The following SLC8A1 variants were observed in gnomAD, a reference collection of about 807,000 sequenced individuals.
SLC8A1 encodes solute carrier family 8 member A1.
Under a neutral mutation model 68.3 loss-of-function variants are expected in SLC8A1, and 18 were observed. The ratio of observed to expected loss-of-function variants is 0.26; its 90% CI spans 0.18 to 0.39. The LOEUF (loss-of-function observed/expected upper bound fraction) is 0.39, where lower values mean the gene tolerates loss of function less well. SLC8A1 is among the 10% of genes least tolerant of loss of function. The pLI, the probability that SLC8A1 is intolerant of heterozygous loss-of-function variation, is 1.00. For synonymous variants in SLC8A1, 475 were observed against 415.5 expected (o/e 1.14, Z -1.74); for missense variants, 985 against 1,156.7 (o/e 0.85, Z 2.15).
At chr2:40,408,260 C>A (rs1019251438) in intron 2 of SLC8A1, among the ~76,000 whole-genome samples, 2 of 152,112 alleles carry the variant, frequency 1.3e-5, no homozygotes, top group Admixed American at 1.3e-4. Flanking sequence ...TAAACTTATA[C>A]CTTCAAAAGT....
At chr2:40,288,853 GTA>G (rs779876861) in intron 2 of SLC8A1, among the ~76,000 whole-genome samples, 145 of 121,618 alleles carry the variant, frequency 1.2e-3, no homozygotes, top group Admixed American at 3.5e-3. Flanking sequence ...ATATATATAT[GTA>G]TATATATGAT....
intron 2 of SLC8A1, among the ~76,000 whole-genome samples, chr2:40,345,518 G>T (rs549825187): frequency 1.3e-5 from 2 of 151,980 alleles, no homozygotes; most frequent in South Asian, 4.2e-4. Context: ...CTCTGAGATG[G>T]ACAGGGCCAC....
At chr2:40,268,487 G>T (rs765760550) in intron 2 of SLC8A1, among the ~76,000 whole-genome samples, 2 of 152,162 alleles carry the variant, frequency 1.3e-5, no homozygotes, top group African/African-American at 2.4e-5. Context: ...CACTGGTGGT[G>T]CATTTGCAGC....
rs1697413764 is a variant in SLC8A1 at position 40,428,379 on chromosome 2, A to G, written c.1808+94T>C. Reference sequence around the variant, plus strand: ...TATTCCATTCCTTGCATGCTATTTAATTTAAAAAATGATGCACAGACTCAC... The same window carrying G: ...TATTCCATTCCTTGCATGCTATTTAGTTTAAAAAATGATGCACAGACTCAC... On this transcript the variant is annotated intron_variant, in intron 2 of 7. Coordinates refer to ENST00000406785, the Ensembl canonical transcript of SLC8A1. 4 of 1,415,786 alleles carry G rather than the reference A, an allele frequency of 2.8e-6. No homozygotes were observed. The South Asian group carries it at 6.5e-5, about 23-fold the overall frequency. 87.7% of individuals were successfully genotyped at this position (1,415,786 alleles called of 1,614,324 possible). A position where few individuals can be genotyped will look rare whatever the true frequency, so the allele number is the denominator to read the frequency against.
At chr2:40,113,989 C>T (rs1477444847) in exon 8 of SLC8A1, 1 of 152,720 alleles carries the variant, frequency 6.5e-6, no homozygotes, top group Non-Finnish European at 1.5e-5. Context: ...CCATTTTCTC[C>T]TTTTATCCCT....
chr2:40,122,206 GCA>G (rs1236450975), intron 7 of SLC8A1, among the ~76,000 whole-genome samples: 2,393 of 124,482 alleles, frequency 0.019, 59 homozygotes, highest in African/African-American at 0.056. Flanking sequence ...ATGCGCGCGC[GCA>G]CACACACACA....
At chr2:40,418,700 C>A (rs1250918280) in intron 2 of SLC8A1, among the ~76,000 whole-genome samples, 1 of 152,328 alleles carries the variant, frequency 6.6e-6, no homozygotes, top group Middle Eastern at 3.4e-3. Context: ...AACTCTCTCC[C>A]TATTTCACAT....
intron 2 of SLC8A1, among the ~76,000 whole-genome samples, chr2:40,386,033 C>T (rs1683450363): frequency 6.6e-6 from 1 of 151,154 alleles, no homozygotes; most frequent in African/African-American, 2.5e-5. Flanking sequence ...CTTTATTGAA[C>T]TGGTATTGCT....
At chr2:40,138,571 G>T (rs917589272) in intron 7 of SLC8A1, among the ~76,000 whole-genome samples, 1 of 152,162 alleles carries the variant, frequency 6.6e-6, no homozygotes, top group African/African-American at 2.4e-5. Flanking sequence ...ATAAGCTCTG[G>T]TGTGTACCAG....
Position 40,160,884 on chromosome 2 carries a change from A to G in SLC8A1, c.2062-20T>C. The G allele has an allele frequency of 6.3e-7, 1 of 1,580,136 alleles. No homozygotes were observed. The highest frequency in any genetic ancestry group is 8.7e-7 in the Non-Finnish European group (1 of 1,149,562). On this transcript the variant is annotated intron_variant, in intron 5 of 7. Coordinates refer to ENST00000406785, the Ensembl canonical transcript of SLC8A1. ...AGTACTCTAGAAATGTTGAAAAGAA[A>G]AATATAAATGCTGGGTTCGCTAAGG...
At chr2:40,313,157 AT>A (rs1450892381) in intron 2 of SLC8A1, among the ~76,000 whole-genome samples, 1 of 152,182 alleles carries the variant, frequency 6.6e-6, no homozygotes, top group East Asian at 1.9e-4. Flanking sequence ...TGAATCTCCA[AT>A]AATTTTACAC....
chr2:40,230,524 T>G (rs1212898416), intron 2 of SLC8A1, among the ~76,000 whole-genome samples: 1 of 152,196 alleles, frequency 6.6e-6, no homozygotes. Context: ...TTCACAATCT[T>G]CATTCTACAT....
chr2:40,432,055 G>T (rs1290511771), intron 1 of SLC8A1, among the ~76,000 whole-genome samples: 1 of 152,030 alleles, frequency 6.6e-6, no homozygotes, highest in African/African-American at 2.4e-5. Flanking sequence ...CAAAAGTTCT[G>T]GTCAGTATGT....
intron 2 of SLC8A1, among the ~76,000 whole-genome samples, chr2:40,375,367 T>C (rs1679477497): frequency 6.6e-6 from 1 of 152,142 alleles, no homozygotes; most frequent in Admixed American, 6.6e-5. Flanking sequence ...TAGGGAATTT[T>C]AAGCCAGTGG....
intron 2 of SLC8A1, among the ~76,000 whole-genome samples, chr2:40,239,415 A>G (rs757577077): frequency 6.6e-6 from 1 of 152,196 alleles, no homozygotes; most frequent in Non-Finnish European, 1.5e-5. Context: ...ATTTAGGGCT[A>G]GAATGTTTTA....
intron 1 of SLC8A1, among the ~76,000 whole-genome samples, chr2:40,491,143 C>T (rs904170729): frequency 6.6e-6 from 1 of 152,090 alleles, no homozygotes; most frequent in African/African-American, 2.4e-5. Context: ...AATTCAAGCT[C>T]TTATTTTATA....
At chr2:40,323,623 A>G (rs998906872) in intron 2 of SLC8A1, among the ~76,000 whole-genome samples, 3 of 152,176 alleles carry the variant, frequency 2.0e-5, no homozygotes, top group South Asian at 4.1e-4. Context: ...GAGTAGCACT[A>G]TAAAGAAGCA....
intron 2 of SLC8A1, among the ~76,000 whole-genome samples, chr2:40,395,992 T>C (rs888470223): frequency 8.5e-5 from 13 of 152,106 alleles, no homozygotes; most frequent in Middle Eastern, 3.2e-3. Context: ...TATTTTCTTC[T>C]GGGAAAAAAC....
chr2:40,485,581 A>G (rs1704912501), intron 1 of SLC8A1, among the ~76,000 whole-genome samples: 2 of 152,090 alleles, frequency 1.3e-5, no homozygotes, highest in Non-Finnish European at 2.9e-5. Flanking sequence ...CTTTTCTGTA[A>G]TTCATCTTTA....
Sources: gnomAD v4.1 joint callset for allele counts (sites outside exome capture counted in the v4.1 genomes callset) on GRCh38, gnomAD v4.1.1 for gene constraint, MANE v1.5 for transcripts, NCBI Gene and HGNC (gene_info 2026-07-23, HGNC 2026-07-21) for gene names.